Variants in MIPOL1 observed in about 807,000 individuals in gnomAD.
MIPOL1 encodes the protein mirror-image polydactyly gene 1 protein.
A neutral mutation model predicts 60.9 loss-of-function variants in MIPOL1; 57 were observed. The observed-to-expected ratio is 0.94, with a 90% CI of 0.76 to 1.17. The LOEUF (loss-of-function observed/expected upper bound fraction) is 1.17, where lower values mean the gene tolerates loss of function less well. Among genes scored for constraint, MIPOL1 ranks in the 50% most tolerant of loss-of-function variants. MIPOL1 has a pLI of 0.00. For missense variants in MIPOL1, 551 were observed against 511.6 expected (o/e 1.08, Z -0.74); for synonymous variants, 179 against 168.8 (o/e 1.06, Z -0.47).
intron 9 of MIPOL1, among the ~76,000 whole-genome samples, chr14:37,332,712 C>G (rs924245933): frequency 1.5e-5 from 2 of 134,148 alleles, no homozygotes; most frequent in African/African-American, 5.2e-5. Context: ...TTTTAGTTGT[C>G]AATCTGTGGT....
intron 1 of MIPOL1, among the ~76,000 whole-genome samples, chr14:37,227,473 G>A (rs1313854625): frequency 1.3e-5 from 2 of 152,048 alleles, no homozygotes; most frequent in Non-Finnish European, 2.9e-5. Context: ...AAAACATGAA[G>A]TGTGTGGTGT....
At chr14:37,453,865 A>G (rs1302121149) in intron 11 of MIPOL1, among the ~76,000 whole-genome samples, 1 of 152,208 alleles carries the variant, frequency 6.6e-6, no homozygotes, top group Admixed American at 6.5e-5. Flanking sequence ...TCAGTTACTC[A>G]TTAGTGAAAA....
intron 9 of MIPOL1, among the ~76,000 whole-genome samples, chr14:37,327,878 C>G (rs181922999): frequency 2.0e-5 from 3 of 152,144 alleles, no homozygotes; most frequent in Admixed American, 2.0e-4. Context: ...TTAAAGAGAC[C>G]TAAGAGCAAG....
At chr14:37,472,969 T>C (rs2094711835) in intron 11 of MIPOL1, among the ~76,000 whole-genome samples, 2 of 152,206 alleles carry the variant, frequency 1.3e-5, no homozygotes, top group South Asian at 4.1e-4. Flanking sequence ...AATTCAGGTC[T>C]GATTAGGTCC....
At chr14:37,530,520 C>T (rs2095472758) in intron 12 of MIPOL1, among the ~76,000 whole-genome samples, 1 of 152,100 alleles carries the variant, frequency 6.6e-6, no homozygotes, top group Non-Finnish European at 1.5e-5. Flanking sequence ...CCCCATTTCC[C>T]AAATAATTAA....
chr14:37,413,921 A>G (rs2093721055), intron 10 of MIPOL1, among the ~76,000 whole-genome samples: 1 of 152,176 alleles, frequency 6.6e-6, no homozygotes, highest in African/African-American at 2.4e-5. Context: ...AACTAACCAA[A>G]CACAGTATTT....
chr14:37,314,386 G>T (rs2087659949), intron 9 of MIPOL1, among the ~76,000 whole-genome samples: 1 of 152,152 alleles, frequency 6.6e-6, no homozygotes, highest in South Asian at 2.1e-4. Flanking sequence ...AGCTGAAGGA[G>T]TAAACTAAGT....
chr14:37,360,427 C>T (rs941533542), intron 9 of MIPOL1, among the ~76,000 whole-genome samples: 3 of 152,104 alleles, frequency 2.0e-5, no homozygotes, highest in African/African-American at 4.8e-5. Flanking sequence ...TGGTAGAATT[C>T]GGATGTGATC....
chr14:37,328,008 ATTTTC>A (rs2089328231), intron 9 of MIPOL1, among the ~76,000 whole-genome samples: 3 of 149,980 alleles, frequency 2.0e-5, no homozygotes, highest in African/African-American at 7.3e-5. Context: ...TTTGCAGAAA[ATTTTC>A]TGTTTTCTTT....
At chr14:37,329,814 A>G (rs1304010436) in intron 9 of MIPOL1, among the ~76,000 whole-genome samples, 1 of 152,184 alleles carries the variant, frequency 6.6e-6, no homozygotes, top group Non-Finnish European at 1.5e-5. Flanking sequence ...TTTATGCAAT[A>G]ACTGCCAACT....
Position 37,524,559 on chromosome 14 carries a change from C to CTTTTTTTTTTTTTTTTTTTT in MIPOL1, c.1263-22341_1263-22340insTTTTTTTTTTTTTTTTTTTT, listed in dbSNP as rs1171387928. 2.2e-4 allele frequency among the ~76,000 whole-genome samples: 4 copies of CTTTTTTTTTTTTTTTTTTTT among 18,500 alleles called. 1 individual carries two copies. Among genetic ancestry groups the CTTTTTTTTTTTTTTTTTTTT allele is most frequent in the African/African-American group, 1.6e-3 (4 of 2,576 alleles). 12.1% of individuals were successfully genotyped at this position (18,500 alleles called of 152,430 possible). On this transcript the variant is annotated intron_variant, in intron 12 of 12. Coordinates refer to ENST00000684589, the MANE Select transcript of MIPOL1 (RefSeq NM_001388067.1). ...TGTTCTTCTTGACATCTTAATTTTTCTTTTTCTTTTCTTTTTTTTTTTTTT... is the reference window on the plus strand; with the variant it reads ...TGTTCTTCTTGACATCTTAATTTTTCTTTTTTTTTTTTTTTTTTTTTTTTTCTTTTCTTTTTTTTTTTTTT...
chr14:37,463,597 C>G (rs907286031), intron 11 of MIPOL1, among the ~76,000 whole-genome samples: 1 of 152,130 alleles, frequency 6.6e-6, no homozygotes, highest in Non-Finnish European at 1.5e-5. Context: ...TCACCATATA[C>G]AGGAATTAAC....
chr14:37,231,389 A>G (rs1333611810), intron 1 of MIPOL1, among the ~76,000 whole-genome samples: 5 of 152,132 alleles, frequency 3.3e-5, no homozygotes, highest in Non-Finnish European at 7.4e-5. Flanking sequence ...TGCCCAGCTA[A>G]TATTTTCAAT....
intron 12 of MIPOL1, among the ~76,000 whole-genome samples, chr14:37,526,887 A>G (rs1442310194): frequency 6.6e-6 from 1 of 152,162 alleles, no homozygotes; most frequent in Non-Finnish European, 1.5e-5. Context: ...AATATTTGAG[A>G]ACAACAATGT....
At chr14:37,270,786 T>C (rs549704726) in intron 6 of MIPOL1, among the ~76,000 whole-genome samples, 1 of 151,918 alleles carries the variant, frequency 6.6e-6, no homozygotes, top group Admixed American at 6.6e-5. Flanking sequence ...CACAAAAAGG[T>C]TGTTTGTTTT....
rs71124802 is a variant in MIPOL1, at chr14:37,282,238, ATATTAT to A, written c.494-3051_494-3046del. Among the ~76,000 whole-genome samples the A allele has an allele frequency of 2.4e-3, 354 of 146,418 alleles. 1 individual carries two copies. The highest frequency in any genetic ancestry group is 5.8e-3 in the African/African-American group (231 of 39,958). Reference sequence around the variant, plus strand: ...GCCCTCTTTGTCTAATATTGCAGTAATATTATTATTATTATTATTATTATTATTATT... The same window carrying A: ...GCCCTCTTTGTCTAATATTGCAGTAATATTATTATTATTATTATTATTATT... On this transcript the variant is annotated intron_variant, in intron 6 of 12. Transcript: ENST00000684589.
At chr14:37,376,062 T>A (rs907672302) in intron 10 of MIPOL1, among the ~76,000 whole-genome samples, 1 of 152,164 alleles carries the variant, frequency 6.6e-6, no homozygotes, top group South Asian at 2.1e-4. Flanking sequence ...TAGGTTCACA[T>A]CAAAATTGTA....
intron 12 of MIPOL1, among the ~76,000 whole-genome samples, chr14:37,534,313 G>A (rs1230556297): frequency 2.0e-5 from 3 of 152,016 alleles, no homozygotes; most frequent in South Asian, 2.1e-4. Context: ...TTAGATAACT[G>A]CTCTATCATT....
chr14:37,551,917 A>AATAAT (rs2095562465), downstream of MIPOL1: 1 of 148,650 alleles, frequency 6.7e-6, no homozygotes, highest in African/African-American at 2.5e-5. Context: ...TAATAATAAT[A>AATAAT]ATAGACTGAC....
Sources: allele counts gnomAD v4.1 joint callset (sites outside exome capture counted in the v4.1 genomes callset), GRCh38; gene constraint gnomAD v4.1.1; transcripts MANE v1.5; gene names NCBI Gene and HGNC (gene_info 2026-07-23, HGNC 2026-07-21).